The following PCDH9 variants were observed in gnomAD, a reference collection of about 807,000 sequenced individuals.
PCDH9 encodes protocadherin 9, also known as protocadherin-9.
A neutral mutation model predicts 70.6 loss-of-function variants in PCDH9; 24 were observed. The ratio of observed to expected loss-of-function variants is 0.34; its 90% CI spans 0.25 to 0.48. PCDH9 has a LOEUF of 0.48. PCDH9 is among the 20% of genes least tolerant of loss of function. PCDH9 has a pLI of 0.99. For missense variants in PCDH9, 1,281 were observed against 1,503.6 expected, an observed-to-expected ratio of 0.85 and a Z score of 2.45; for synonymous variants, 562 against 558.5, an observed-to-expected ratio of 1.01 and a Z score of -0.09.
chr13:66,720,414 C>T (rs1180601705), intron 3 of PCDH9, among the ~76,000 whole-genome samples: 3 of 150,858 alleles, frequency 2.0e-5, no homozygotes, highest in African/African-American at 7.3e-5. Context: ...CCACCTGCCT[C>T]GGCCTTCCAA....
At chr13:66,956,082 T>A (rs1414275781) in intron 2 of PCDH9, among the ~76,000 whole-genome samples, 4 of 151,798 alleles carry the variant, frequency 2.6e-5, no homozygotes, top group Admixed American at 2.6e-4. Flanking sequence ...AGAAACTCCA[T>A]CTCAAAAAAA....
At chr13:66,849,507 T>G (rs768072085) in intron 3 of PCDH9, among the ~76,000 whole-genome samples, 11,359 of 88,384 alleles carry the variant, frequency 0.13, 734 homozygotes, top group Non-Finnish European at 0.16. Context: ...TATATATATA[T>G]ATATATATAT....
chr13:66,405,362 T>C (rs946098374), intron 4 of PCDH9, among the ~76,000 whole-genome samples: 1 of 152,224 alleles, frequency 6.6e-6, no homozygotes, highest in Non-Finnish European at 1.5e-5. Context: ...TTGCACAGTT[T>C]ACAAATGCAT....
At chr13:66,789,027 C>T (rs2080123471) in intron 3 of PCDH9, among the ~76,000 whole-genome samples, 2 of 152,118 alleles carry the variant, frequency 1.3e-5, no homozygotes, top group South Asian at 4.1e-4. Context: ...TCTCTCCTGG[C>T]CTTCAACCAG....
intron 2 of PCDH9, among the ~76,000 whole-genome samples, chr13:67,103,392 C>A (rs2086471185): frequency 6.6e-6 from 1 of 152,086 alleles, no homozygotes; most frequent in South Asian, 2.1e-4. Context: ...CTTTGTAAGT[C>A]AGTAATTCCA....
intron 4 of PCDH9, among the ~76,000 whole-genome samples, chr13:66,590,394 A>C (rs2077022863): frequency 6.6e-6 from 1 of 151,904 alleles, no homozygotes; most frequent in Admixed American, 6.6e-5. Context: ...TATATTAAAT[A>C]TAATAAACAT....
intron 4 of PCDH9, among the ~76,000 whole-genome samples, chr13:66,590,078 GCA>G (rs926444507): frequency 7.9e-5 from 12 of 152,076 alleles, no homozygotes; most frequent in Non-Finnish European, 1.8e-4. Context: ...TGGATTTTGT[GCA>G]CACAAAGTTT....
chr13:67,160,525 T>A (rs902798211), intron 2 of PCDH9, among the ~76,000 whole-genome samples: 5 of 150,994 alleles, frequency 3.3e-5, no homozygotes, highest in Non-Finnish European at 7.4e-5. Flanking sequence ...CCAGCCTGGG[T>A]GACAGAGCGA....
intron 2 of PCDH9, among the ~76,000 whole-genome samples, chr13:67,080,209 C>G (rs922056586): frequency 6.6e-6 from 1 of 152,102 alleles, no homozygotes; most frequent in African/African-American, 2.4e-5. Context: ...TTTCTATTAT[C>G]AAATGTATTT....
chr13:67,010,167 C>T (rs2084426326), intron 2 of PCDH9, among the ~76,000 whole-genome samples: 1 of 151,982 alleles, frequency 6.6e-6, no homozygotes, highest in African/African-American at 2.4e-5. Context: ...CTCAATTTTT[C>T]CCTAAAATTA....
chr13:66,539,307 A>G (rs572845598), intron 4 of PCDH9, among the ~76,000 whole-genome samples: 3 of 152,128 alleles, frequency 2.0e-5, no homozygotes, highest in African/African-American at 7.2e-5. Flanking sequence ...TCCCCACCCA[A>G]ATCTCATTTT....
At chr13:66,920,014 C>T (rs950440494) in intron 2 of PCDH9, among the ~76,000 whole-genome samples, 1 of 150,684 alleles carries the variant, frequency 6.6e-6, no homozygotes, top group Non-Finnish European at 1.5e-5. Context: ...AACAAGTTTA[C>T]CCCTACAATA....
intron 4 of PCDH9, among the ~76,000 whole-genome samples, chr13:66,617,006 C>A (rs1487565477): frequency 6.6e-6 from 1 of 152,174 alleles, no homozygotes; most frequent in Non-Finnish European, 1.5e-5. Context: ...GTGAATGTGG[C>A]TGATTCCTGC....
intron 4 of PCDH9, among the ~76,000 whole-genome samples, chr13:66,608,602 AG>A (rs1360145520): frequency 6.6e-6 from 1 of 151,854 alleles, no homozygotes; most frequent in African/African-American, 2.4e-5. Context: ...AAAGAGGCAA[AG>A]GGAATAGACA....
At chr13:67,076,777 T>C (rs992586197) in intron 2 of PCDH9, among the ~76,000 whole-genome samples, 1 of 152,170 alleles carries the variant, frequency 6.6e-6, no homozygotes, top group African/African-American at 2.4e-5. Context: ...TATATTTTAT[T>C]TATTCCAAAC....
chr13:66,801,356 A>G (rs1365941037), intron 3 of PCDH9, among the ~76,000 whole-genome samples: 1 of 152,134 alleles, frequency 6.6e-6, no homozygotes, highest in Non-Finnish European at 1.5e-5. Flanking sequence ...GTGTTCTAGG[A>G]CAAAAGTATA....
chr13:66,889,241 G>A lies in PCDH9; in HGVS notation c.3138+14263C>T, dbSNP rs115992935. 6.6e-3 allele frequency among the ~76,000 whole-genome samples: 1,008 copies of A among 152,214 alleles called. 9 individuals are homozygous for A. The highest frequency in any genetic ancestry group is 0.023 in the African/African-American group (964 of 41,532). ...TGTGTAGACTGGGTACCTCTGATCC[G>A]AGGCCAAAGCCACACGAAGCAGTTA... On this transcript the variant is annotated intron_variant, in intron 3 of 4. Transcript: ENST00000377865.
At chr13:67,212,194 C>G (rs1420252457) in intron 2 of PCDH9, 1 of 151,804 alleles carries the variant, frequency 6.6e-6, no homozygotes, top group Non-Finnish European at 1.5e-5. Flanking sequence ...TAAATTTAAA[C>G]CTGGCATTCT....
chr13:66,922,900 CATT>C (rs1287679899), intron 2 of PCDH9, among the ~76,000 whole-genome samples: 1 of 151,214 alleles, frequency 6.6e-6, no homozygotes, highest in Non-Finnish European at 1.5e-5. Context: ...AAAGAAAACT[CATT>C]ATATTATTAA....
Sources: allele counts gnomAD v4.1 joint callset (sites outside exome capture counted in the v4.1 genomes callset), GRCh38; gene constraint gnomAD v4.1.1; transcripts MANE v1.5; gene names NCBI Gene and HGNC (gene_info 2026-07-23, HGNC 2026-07-21).